Variants in DTWD2 observed in about 807,000 individuals in gnomAD.
The protein encoded by DTWD2 is tRNA-uridine aminocarboxypropyltransferase 2.
In DTWD2, 39 loss-of-function variants were observed where a neutral mutation model predicts 31.8. That is an observed-to-expected ratio of 1.22 (90% CI 0.95 to 1.60). DTWD2 has a LOEUF of 1.60. Ranked by LOEUF, DTWD2 falls within the 40% of genes most tolerant of loss-of-function variation. The probability of loss-of-function intolerance (pLI) is 0.00; values close to 1 mark genes in which losing one functional copy is unlikely to be tolerated. For missense variants in DTWD2, 515 were observed against 381.5 expected, an observed-to-expected ratio of 1.35 and a Z score of -2.92; for synonymous variants, 180 against 142.8, an observed-to-expected ratio of 1.26 and a Z score of -1.86.
intron 4 of DTWD2, among the ~76,000 whole-genome samples, chr5:118,861,903 A>C (rs1416680169): frequency 6.6e-6 from 1 of 152,238 alleles, no homozygotes; most frequent in Non-Finnish European, 1.5e-5. Context: ...AGCCAAAATC[A>C]CAGGGATATG....
chr5:118,862,732 T>G (rs1179805748), intron 4 of DTWD2, among the ~76,000 whole-genome samples: 3 of 152,190 alleles, frequency 2.0e-5, no homozygotes, highest in African/African-American at 7.2e-5. Flanking sequence ...GATGTTCAAT[T>G]AACAAAGTAC....
At chr5:118,853,449 A>T (rs773062544) in intron 4 of DTWD2, among the ~76,000 whole-genome samples, 1 of 152,146 alleles carries the variant, frequency 6.6e-6, no homozygotes, top group African/African-American at 2.4e-5. Flanking sequence ...ACATGCACTT[A>T]TATGTTCACT....
intron 1 of DTWD2, among the ~76,000 whole-genome samples, chr5:118,961,483 T>G (rs566747033): frequency 2.0e-5 from 3 of 151,698 alleles, no homozygotes; most frequent in Admixed American, 2.0e-4. Flanking sequence ...ATCATTTTTG[T>G]ATTATCCCAG....
At chr5:118,870,815 C>T (rs961012688) in intron 4 of DTWD2, among the ~76,000 whole-genome samples, 1 of 152,122 alleles carries the variant, frequency 6.6e-6, no homozygotes, top group African/African-American at 2.4e-5. Flanking sequence ...TGCTGTTTGA[C>T]AGCATTTTAC....
At chr5:118,930,145 C>CT (rs1753890578) in intron 3 of DTWD2, among the ~76,000 whole-genome samples, 1 of 152,102 alleles carries the variant, frequency 6.6e-6, no homozygotes, top group Non-Finnish European at 1.5e-5. Context: ...TTTAATTTGT[C>CT]TTTTGTCAGA....
intron 4 of DTWD2, among the ~76,000 whole-genome samples, chr5:118,923,051 CA>C (rs893538084): frequency 1.6e-4 from 24 of 151,492 alleles, no homozygotes; most frequent in African/African-American, 5.8e-4. Context: ...TTTTAATAGG[CA>C]ATTTATAACA....
chr5:118,976,738 G>C (rs989990474), intron 1 of DTWD2, among the ~76,000 whole-genome samples: 2 of 152,130 alleles, frequency 1.3e-5, no homozygotes, highest in African/African-American at 4.8e-5. Context: ...CAGATTCACA[G>C]ACGAATTCTA....
In DTWD2 at chr5:118,964,252, A is replaced by G. The variant is rs569534180; in HGVS notation, c.219-19603T>C. On this transcript the variant is annotated intron_variant, in intron 1 of 5. Coordinates refer to ENST00000510708, the MANE Select transcript of DTWD2 (RefSeq NM_173666.4). ...AAAAAAAAAATTTGCAGAATGAAACATCTCAGATGTGTTTACTCATTAATG... is the reference window on the plus strand; with the variant it reads ...AAAAAAAAAATTTGCAGAATGAAACGTCTCAGATGTGTTTACTCATTAATG... Among the ~76,000 whole-genome samples the G allele has an allele frequency of 7.9e-5, 12 of 152,048 alleles. No homozygotes were observed. The East Asian group carries it at 2.3e-3, about 29-fold the overall frequency.
chr5:118,863,410 T>C (rs1042464403), intron 4 of DTWD2, among the ~76,000 whole-genome samples: 1 of 152,182 alleles, frequency 6.6e-6, no homozygotes, highest in African/African-American at 2.4e-5. Context: ...CACTAAACCA[T>C]AGAAGAAAAC....
At chr5:118,968,765 C>T (rs1179021682) in intron 1 of DTWD2, among the ~76,000 whole-genome samples, 3 of 152,320 alleles carry the variant, frequency 2.0e-5, no homozygotes, top group Middle Eastern at 3.4e-3. Context: ...TCCAGCAAGG[C>T]GGGAAATCCA....
chr5:118,983,210 C>A (rs759912535), intron 1 of DTWD2, among the ~76,000 whole-genome samples: 1 of 152,088 alleles, frequency 6.6e-6, no homozygotes, highest in Non-Finnish European at 1.5e-5. Flanking sequence ...TAAGCAGGAA[C>A]GACTGGGAGC....
intron 4 of DTWD2, among the ~76,000 whole-genome samples, chr5:118,924,570 A>G (rs1391061716): frequency 1.3e-5 from 2 of 152,258 alleles, no homozygotes; most frequent in Non-Finnish European, 2.9e-5. Flanking sequence ...GCTGGGGAAC[A>G]GGGTTACTAA....
At chr5:118,882,967 T>C (rs775223151) in intron 4 of DTWD2, among the ~76,000 whole-genome samples, 4 of 152,270 alleles carry the variant, frequency 2.6e-5, no homozygotes, top group Non-Finnish European at 5.9e-5. Context: ...GGGTTTTTGT[T>C]TCCCACCTCA....
chr5:118,917,657 G>A (rs1473727340), intron 4 of DTWD2, among the ~76,000 whole-genome samples: 1 of 152,162 alleles, frequency 6.6e-6, no homozygotes, highest in Non-Finnish European at 1.5e-5. Flanking sequence ...GCCAAGCAAA[G>A]GGGAGAAAAA....
intron 3 of DTWD2, among the ~76,000 whole-genome samples, chr5:118,929,938 T>G (rs893268414): frequency 6.6e-6 from 1 of 152,188 alleles, no homozygotes; most frequent in African/African-American, 2.4e-5. Context: ...ACAAGACCAC[T>G]TTTGCCAGCC....
intron 4 of DTWD2, among the ~76,000 whole-genome samples, chr5:118,900,635 C>T (rs1753183781): frequency 1.3e-5 from 2 of 152,044 alleles, no homozygotes. Context: ...AAAAATGACT[C>T]AAAATCAAGG....
intron 1 of DTWD2, among the ~76,000 whole-genome samples, chr5:118,985,855 T>C (rs1580458465): frequency 1.3e-5 from 2 of 152,286 alleles, no homozygotes; most frequent in African/African-American, 2.4e-5. Context: ...CTTCAAAAAT[T>C]TGATGCGGTT....
chr5:118,912,513 T>G (rs73790360), intron 4 of DTWD2, among the ~76,000 whole-genome samples: 8,969 of 152,324 alleles, frequency 0.059, 555 homozygotes, highest in African/African-American at 0.16. Context: ...CTTCATTCAG[T>G]TCCTCAAACA....
chr5:118,936,359 C>T (rs1287864465), intron 3 of DTWD2, among the ~76,000 whole-genome samples: 1 of 151,822 alleles, frequency 6.6e-6, no homozygotes, highest in Non-Finnish European at 1.5e-5. Context: ...GGCAACATAG[C>T]GAGACCCTGT....
Sources: allele counts gnomAD v4.1 joint callset (sites outside exome capture counted in the v4.1 genomes callset), GRCh38; gene constraint gnomAD v4.1.1; transcripts MANE v1.5; gene names NCBI Gene and HGNC (gene_info 2026-07-23, HGNC 2026-07-21).